The following ACTA2 variants were observed in gnomAD, a reference collection of about 807,000 sequenced individuals.
The protein encoded by ACTA2 is actin alpha 2, smooth muscle, also known as actin, aortic smooth muscle.
A neutral mutation model predicts 39.5 loss-of-function variants in ACTA2; 12 were observed. The observed-to-expected ratio is 0.30, with a 90% CI of 0.19 to 0.49. ACTA2 has a LOEUF of 0.49. Among genes scored for constraint, ACTA2 ranks in the 20% least tolerant of loss-of-function variants. The pLI, the probability that ACTA2 is intolerant of heterozygous loss-of-function variation, is 0.99. For missense variants in ACTA2, 236 were observed against 498.8 expected, an observed-to-expected ratio of 0.47 and a Z score of 5.02; for synonymous variants, 158 against 180.6, an observed-to-expected ratio of 0.88 and a Z score of 1.00.
chr10:88,990,833 G>A lies in ACTA2; in HGVS notation c.-24+106C>T. The A allele has an allele frequency of 3.1e-6, 5 of 1,614,100 alleles. No individual in the cohort carries two copies. Among genetic ancestry groups the A allele is most frequent in the Non-Finnish European group, 4.2e-6 (5 of 1,179,940 alleles). ...GCGGGTTGGTGGACCCGCTCAGTAC[G>A]GAGTTGGGGAAGCTCTTTCACTTCG... On this transcript the variant is annotated intron_variant, in intron 1 of 4. Transcript: ENST00000415557. This position sits in a 1 kb window ranked among gnomAD's most constrained non-coding sequence, Gnocchi z 4.9.
At chr10:88,962,815 G>A (rs1015833600) in intron 1 of ACTA2, among the ~76,000 whole-genome samples, 3 of 150,806 alleles carry the variant, frequency 2.0e-5, no homozygotes, top group African/African-American at 7.3e-5. Context: ...AGTTCCACAT[G>A]GCTGAGGAGG....
chr10:88,964,188 T>C lies in ACTA2; in HGVS notation c.-23-15235A>G, dbSNP rs149485944. Among the ~76,000 whole-genome samples the C allele has an allele frequency of 3.3e-5, 5 of 152,262 alleles. No homozygotes were observed. In the East Asian group the frequency reaches 7.7e-4, roughly 23 times the overall value. Reference sequence around the variant, plus strand: ...ATTGTATGGGAGGAAAAAAGAATTCTCTCTCTATTCTTCCGAATTCTTATC... The same window carrying C: ...ATTGTATGGGAGGAAAAAAGAATTCCCTCTCTATTCTTCCGAATTCTTATC... On this transcript the variant is annotated intron_variant, in intron 1 of 4. Transcript: ENST00000415557.
intron 1 of ACTA2, among the ~76,000 whole-genome samples, chr10:88,964,594 C>A (rs1438929613): frequency 6.6e-6 from 1 of 152,140 alleles, no homozygotes; most frequent in Non-Finnish European, 1.5e-5. Context: ...GAAGGAGGGA[C>A]ACCTTTATAA....
chr10:88,942,289 T>C (rs532240479), intron 4 of ACTA2, among the ~76,000 whole-genome samples: 1 of 152,194 alleles, frequency 6.6e-6, no homozygotes, highest in East Asian at 1.9e-4. Flanking sequence ...TTGTTAACTA[T>C]GTCAAAGCCA....
At position 88,983,609 on chromosome 10, in the gene ACTA2, C is replaced by CAAAAA. The variant is rs71022549; in HGVS notation, c.-24+7325_-24+7329dup. 2.6e-4 allele frequency among the ~76,000 whole-genome samples: 12 copies of CAAAAA among 46,456 alleles called. 2 individuals carry two copies. The highest frequency in any genetic ancestry group is 3.6e-4 in the Non-Finnish European group (10 of 27,628). 30.5% of individuals were successfully genotyped at this position (46,456 alleles called of 152,430 possible). On this transcript the variant is annotated intron_variant, in intron 1 of 4. Coordinates refer to the ACTA2 transcript ENST00000415557. ...GGTTTAGATAAGTTAACAGGTTATG[C>CAAAAA]AAAAAAAAAAAAAAAAAAAAAAAAA... is the stretch of plus-strand genomic sequence containing the variant.
chr10:88,984,062 G>C (rs867894646), intron 1 of ACTA2, among the ~76,000 whole-genome samples: 1 of 152,318 alleles, frequency 6.6e-6, no homozygotes. Context: ...CCTCAGGTGA[G>C]GGGAGGGTTA....
chr10:88,966,228 A>G (rs1443949391), intron 1 of ACTA2, among the ~76,000 whole-genome samples: 1 of 152,208 alleles, frequency 6.6e-6, no homozygotes, highest in Non-Finnish European at 1.5e-5. Context: ...ATAGTAAGGA[A>G]TGATCTTCAT....
chr10:88,935,416 G>A (rs1845716730), intron 8 of ACTA2, 50 bp from the exon 9 acceptor site: 1 of 1,601,910 alleles, frequency 6.2e-7, no homozygotes. Flanking sequence ...CATTAGTGCA[G>A]TCGTTAGTGC....
chr10:88,961,039 C>G (rs1846219078), intron 1 of ACTA2, among the ~76,000 whole-genome samples: 1 of 152,006 alleles, frequency 6.6e-6, no homozygotes, highest in African/African-American at 2.4e-5. Flanking sequence ...CTGGTCACAC[C>G]CAGGAGCAGC....
At chr10:88,991,170 G>GT in exon 1 of ACTA2, 1 of 585,972 alleles carries the variant, frequency 1.7e-6, no homozygotes, top group Non-Finnish European at 3.0e-6. Context: ...GGCAGGCGGG[G>GT]CAGCTCCGGC....
chr10:88,977,023 A>C (rs1319494201), intron 1 of ACTA2, among the ~76,000 whole-genome samples: 1 of 152,140 alleles, frequency 6.6e-6, no homozygotes, highest in Non-Finnish European at 1.5e-5. Context: ...GGAGAAGCTT[A>C]TTTTCTGCTA....
chr10:88,969,467 G>T (rs750666192), intron 1 of ACTA2, among the ~76,000 whole-genome samples: 1 of 152,224 alleles, frequency 6.6e-6, no homozygotes, highest in African/African-American at 2.4e-5. Context: ...CATTGGCATA[G>T]TCTCTGTTGT....
rs551730462 is a variant in ACTA2, at chr10:88,971,098, T to C, written c.-24+19841A>G. On this transcript the variant is annotated intron_variant, in intron 1 of 4. Coordinates refer to the ACTA2 transcript ENST00000415557. Reference sequence around the variant, plus strand: ...AGACATTTTCCCGAATAATGGCGTCTGATTTTCAAGCAATGCTTAGCCAAT... The same window carrying C: ...AGACATTTTCCCGAATAATGGCGTCCGATTTTCAAGCAATGCTTAGCCAAT... Among the ~76,000 whole-genome samples, 187 of 152,338 alleles carry C rather than the reference T, an allele frequency of 1.2e-3. 1 individual carries two copies. The highest frequency in any genetic ancestry group is 4.3e-3 in the African/African-American group (177 of 41,586).
chr10:88,937,947 C>T, intron 8 of ACTA2, 114 bp downstream of exon 8: 1 of 1,250,360 alleles, frequency 8.0e-7, no homozygotes, highest in South Asian at 1.3e-5. Flanking sequence ...ATTACCTACC[C>T]CTAAAACCCA....
intron 1 of ACTA2, among the ~76,000 whole-genome samples, chr10:88,959,595 T>C (rs191757053): frequency 6.6e-6 from 1 of 152,364 alleles, no homozygotes; most frequent in East Asian, 1.9e-4. Flanking sequence ...AGAGTTCTCA[T>C]GTACCCTACA....
At chr10:88,983,612 A>C (rs1445649814) in intron 1 of ACTA2, among the ~76,000 whole-genome samples, 2 of 13,070 alleles carry the variant, frequency 1.5e-4, no homozygotes, top group Admixed American at 2.4e-3. Flanking sequence ...GGTTATGCAA[A>C]AAAAAAAAAA....
chr10:88,973,674 T>C (rs1846498823), intron 1 of ACTA2: 1 of 168,868 alleles, frequency 5.9e-6, no homozygotes, highest in South Asian at 2.0e-4. Context: ...GACATTTGAA[T>C]AACACCCATA....
chr10:88,975,367 A>G (rs142078612), intron 1 of ACTA2, among the ~76,000 whole-genome samples: 22 of 152,320 alleles, frequency 1.4e-4, no homozygotes, highest in Non-Finnish European at 2.9e-4. Flanking sequence ...ATTAGTTGAG[A>G]AGGACAATAG....
At chr10:88,949,000 G>A (rs1236086539) in intron 1 of ACTA2, 47 bp from the exon 2 acceptor site, 1 of 1,604,714 alleles carries the variant, frequency 6.2e-7, no homozygotes, top group Non-Finnish European at 8.5e-7. Context: ...TTGGGCATTT[G>A]TGGCACTTAC....
Sources: gnomAD v4.1 joint callset for allele counts (sites outside exome capture counted in the v4.1 genomes callset) on GRCh38, gnomAD v4.1.1 for gene constraint, Gnocchi (gnomAD v3.1) non-coding constraint, MANE v1.5 for transcripts, NCBI Gene and HGNC (gene_info 2026-07-23, HGNC 2026-07-21) for gene names.